The following NR2F1-AS1 variants were observed in gnomAD, a reference collection of about 807,000 sequenced individuals.
NR2F1-AS1 encodes NR2F1 antisense RNA 1.
intron 4 of NR2F1-AS1, among the ~76,000 whole-genome samples, chr5:93,501,906 T>C (rs1315216609): frequency 6.6e-6 from 1 of 152,130 alleles, no homozygotes; most frequent in Non-Finnish European, 1.5e-5. Flanking sequence ...CAAACTTCAT[T>C]GTTGTCTTAT....
intron 4 of NR2F1-AS1, among the ~76,000 whole-genome samples, chr5:93,487,720 C>G (rs1446252666): frequency 6.6e-6 from 1 of 152,154 alleles, no homozygotes; most frequent in Admixed American, 6.5e-5. Flanking sequence ...CATTGACTTT[C>G]TTCACAGAAT....
chr5:93,525,718 A>C (rs1751598971), intron 4 of NR2F1-AS1, among the ~76,000 whole-genome samples: 1 of 152,250 alleles, frequency 6.6e-6, no homozygotes, highest in South Asian at 2.1e-4. Context: ...AAAACTGCAC[A>C]ACTACATGGA....
At chr5:93,495,100 T>A (rs938072292) in intron 4 of NR2F1-AS1, among the ~76,000 whole-genome samples, 1 of 152,188 alleles carries the variant, frequency 6.6e-6, no homozygotes, top group African/African-American at 2.4e-5. Context: ...AAATAACTAC[T>A]TATACAATTT....
chr5:93,438,353 G>A (rs1328430607), intron 4 of NR2F1-AS1, among the ~76,000 whole-genome samples: 3 of 152,104 alleles, frequency 2.0e-5, no homozygotes, highest in Admixed American at 6.6e-5. Flanking sequence ...CTCAATCTTC[G>A]TACAAGCATC....
At chr5:93,488,096 A>C (rs962245680) in intron 4 of NR2F1-AS1, among the ~76,000 whole-genome samples, 1 of 152,202 alleles carries the variant, frequency 6.6e-6, no homozygotes, top group African/African-American at 2.4e-5. Flanking sequence ...TTAACTCAAC[A>C]TGGATTAAAG....
intron 4 of NR2F1-AS1, among the ~76,000 whole-genome samples, chr5:93,503,244 A>G (rs996492525): frequency 1.3e-5 from 2 of 152,228 alleles, no homozygotes; most frequent in African/African-American, 4.8e-5. Flanking sequence ...TAATTTGATT[A>G]TAAATTCTAA....
intron 1 of NR2F1-AS1, among the ~76,000 whole-genome samples, chr5:93,564,715 G>C (rs1178554365): frequency 1.3e-5 from 2 of 152,112 alleles, no homozygotes; most frequent in Non-Finnish European, 2.9e-5. Context: ...CTAAAACACT[G>C]AATTTCAGAG....
intron 4 of NR2F1-AS1, among the ~76,000 whole-genome samples, chr5:93,432,850 C>G (rs1272151503): frequency 2.0e-5 from 3 of 152,120 alleles, no homozygotes; most frequent in Admixed American, 2.0e-4. Flanking sequence ...TGTGTAATTT[C>G]TATTTTTCCT....
intron 1 of NR2F1-AS1, chr5:93,570,984 A>T (rs1419610760): frequency 3.3e-5 from 5 of 152,058 alleles, no homozygotes; most frequent in Non-Finnish European, 7.3e-5. Flanking sequence ...TTCGCAAGGG[A>T]GCGCCCTTCC....
intron 4 of NR2F1-AS1, among the ~76,000 whole-genome samples, chr5:93,498,475 T>A (rs1751010644): frequency 6.6e-6 from 1 of 152,152 alleles, no homozygotes; most frequent in Admixed American, 6.6e-5. Flanking sequence ...AGTAAATGTG[T>A]CATCCTCAAA....
chr5:93,533,685 A>T (rs990434634), intron 4 of NR2F1-AS1, among the ~76,000 whole-genome samples: 2 of 152,192 alleles, frequency 1.3e-5, no homozygotes, highest in African/African-American at 4.8e-5. Flanking sequence ...AGCTGATTTA[A>T]TCTTCAAACC....
At position 93,541,581 on chromosome 5, in the gene NR2F1-AS1, C is replaced by A. The variant is rs149613100; in HGVS notation, n.638+12180G>T. 2.4e-4 allele frequency among the ~76,000 whole-genome samples: 37 copies of A among 152,158 alleles called. No homozygotes were observed. The East Asian group carries it at 2.5e-3, about 10-fold the overall frequency. On this transcript the variant is annotated intron_variant and non_coding_transcript_variant, in intron 4 of 5. Transcript: ENST00000660523. ...ACCTGTGGGGACTTTGCAACTTTAC[C>A]CTGGATCCCCTGAACAACAGTTTTT...
intron 4 of NR2F1-AS1, among the ~76,000 whole-genome samples, chr5:93,450,582 C>T (rs1375874584): frequency 6.6e-6 from 1 of 152,146 alleles, no homozygotes. Flanking sequence ...ATATCACAAT[C>T]ACTGTAGCAT....
intron 4 of NR2F1-AS1, among the ~76,000 whole-genome samples, chr5:93,488,074 C>A (rs1642980959): frequency 6.6e-6 from 1 of 152,146 alleles, no homozygotes; most frequent in African/African-American, 2.4e-5. Flanking sequence ...TTCCTTACAC[C>A]TTACACAAAA....
chr5:93,437,896 A>G (rs1445374366), intron 4 of NR2F1-AS1, among the ~76,000 whole-genome samples: 1 of 152,178 alleles, frequency 6.6e-6, no homozygotes, highest in East Asian at 1.9e-4. Flanking sequence ...TATCATGGGC[A>G]TTTCAAATTC....
chr5:93,498,293 G>T (rs1305820102), intron 4 of NR2F1-AS1, among the ~76,000 whole-genome samples: 1 of 152,064 alleles, frequency 6.6e-6, no homozygotes, highest in Non-Finnish European at 1.5e-5. Flanking sequence ...TCTAAAGAAA[G>T]ATTTAATAGT....
At chr5:93,578,393 C>A (rs1446244150) in intron 1 of NR2F1-AS1, among the ~76,000 whole-genome samples, 1 of 151,844 alleles carries the variant, frequency 6.6e-6, no homozygotes, top group Non-Finnish European at 1.5e-5. Flanking sequence ...ACCTTCTCAT[C>A]GCCTTTTTGG....
At chr5:93,519,230 C>G (rs1751454619) in intron 4 of NR2F1-AS1, among the ~76,000 whole-genome samples, 8 of 151,978 alleles carry the variant, frequency 5.3e-5, no homozygotes, top group Admixed American at 5.3e-4. Flanking sequence ...CAGCCTAGCA[C>G]ACATAAAAGA....
Position 93,567,286 on chromosome 5 carries a change from A to G in NR2F1-AS1, n.314-3823T>C, listed in dbSNP as rs188436128. Among the ~76,000 whole-genome samples the G allele has an allele frequency of 7.4e-3, 1,119 of 152,242 alleles. 15 individuals are homozygous for G. Among genetic ancestry groups the G allele is most frequent in the Non-Finnish European group, 7.2e-3 (487 of 67,958 alleles). On this transcript the variant is annotated intron_variant and non_coding_transcript_variant, in intron 1 of 5. Coordinates refer to ENST00000660523, the Ensembl canonical transcript of NR2F1-AS1. ...ATTAGGGAAAATTTTTATGGAACAAACATTACAAATGCTTCCTTAAGATCT... is the reference window on the plus strand; with the variant it reads ...ATTAGGGAAAATTTTTATGGAACAAGCATTACAAATGCTTCCTTAAGATCT...
Sources: gnomAD v4.1 joint callset for allele counts (sites outside exome capture counted in the v4.1 genomes callset) on GRCh38, gnomAD v4.1.1 for gene constraint, MANE v1.5 for transcripts, NCBI Gene and HGNC (gene_info 2026-07-23, HGNC 2026-07-21) for gene names.